The following SSBP2 variants were observed in gnomAD, a reference collection of about 807,000 sequenced individuals.
The protein encoded by SSBP2 is single stranded DNA binding protein 2, also known as single-stranded DNA-binding protein 2.
Under a neutral mutation model 61.8 loss-of-function variants are expected in SSBP2, and 17 were observed. The ratio of observed to expected loss-of-function variants is 0.28; its 90% CI spans 0.19 to 0.41. The LOEUF (loss-of-function observed/expected upper bound fraction) is 0.41, where lower values mean the gene tolerates loss of function less well. Ranked by LOEUF, SSBP2 falls within the 10% of genes least tolerant of loss-of-function variation. The probability of loss-of-function intolerance (pLI) is 1.00; values close to 1 mark genes in which losing one functional copy is unlikely to be tolerated. For synonymous variants in SSBP2, 139 were observed against 141.3 expected, an observed-to-expected ratio of 0.98 and a Z score of 0.12; for missense variants, 310 against 458.7, an observed-to-expected ratio of 0.68 and a Z score of 2.96.
chr5:81,546,793 C>G (rs1017465219), intron 4 of SSBP2, among the ~76,000 whole-genome samples: 6 of 151,682 alleles, frequency 4.0e-5, no homozygotes, highest in African/African-American at 1.5e-4. Context: ...TCAATGATTT[C>G]TAGAAAAAAT....
chr5:81,697,893 T>C (rs1292366255), intron 1 of SSBP2, among the ~76,000 whole-genome samples: 2 of 152,166 alleles, frequency 1.3e-5, no homozygotes, highest in East Asian at 3.8e-4. Context: ...AATATTGACA[T>C]TATGAAAATA....
rs1394583677 is a variant in SSBP2, at chr5:81,615,646, T to C, written c.198-89A>G. 4 of 877,066 alleles carry C rather than the reference T, an allele frequency of 4.6e-6. No homozygotes were observed. The South Asian group carries it at 4.8e-5, about 10-fold the overall frequency. 54.3% of individuals were successfully genotyped at this position (877,066 alleles called of 1,614,324 possible). The stretch of plus-strand genomic sequence containing the variant: ...CCAAAAGTAGAAGACATGTTTTTCT[T>C]TATACAAAATGTTTTGTCTTCAGAA... On this transcript the variant is annotated intron_variant, in intron 3 of 16. Coordinates refer to ENST00000320672, the MANE Select transcript of SSBP2 (RefSeq NM_012446.5).
Position 81,416,931 on chromosome 5 carries a change from G to A in SSBP2, c.*3573C>T, listed in dbSNP as rs192465462. On this transcript the variant is annotated 3_prime_UTR_variant, in exon 17 of 17. Transcript: ENST00000320672. Reference sequence around the variant, plus strand: ...GGCTGGAGTGCAGTGGCACAATCTCGGCTCACTGCAACCTCCGCCTCCTGG... The same window carrying A: ...GGCTGGAGTGCAGTGGCACAATCTCAGCTCACTGCAACCTCCGCCTCCTGG... The A allele has an allele frequency of 4.3e-3, 658 of 152,214 alleles. 6 individuals carry two copies. The highest frequency in any genetic ancestry group is 0.013 in the African/African-American group (550 of 41,482). 9.4% of individuals were successfully genotyped at this position (152,214 alleles called of 1,614,324 possible).
chr5:81,600,692 T>C lies in SSBP2; in HGVS notation c.282+14781A>G, dbSNP rs964424440. Among the ~76,000 whole-genome samples, 4 of 150,904 alleles carry C rather than the reference T, an allele frequency of 2.7e-5. No homozygotes were observed. In the South Asian group the frequency reaches 8.4e-4, roughly 32 times the overall value. ...AATGTAAAGAACTGAATACCTAAGA[T>C]AAATGAAAAAAAGGAAGGAGAAGCC... On this transcript the variant is annotated intron_variant, in intron 4 of 16. Transcript: ENST00000320672.
chr5:81,676,811 T>A (rs1367178312), intron 1 of SSBP2, among the ~76,000 whole-genome samples: 1 of 152,098 alleles, frequency 6.6e-6, no homozygotes, highest in Non-Finnish European at 1.5e-5. Context: ...AAAATACAAA[T>A]TATCTTTGCA....
Position 81,466,978 on chromosome 5 carries a change from TCATTCCAGG to T in SSBP2, c.625_633del (p.Pro209_Met211del). ...ATATGATATAACATTGCTTACATGTTCATTCCAGGCATTCCAGGGCCACCTAAAGCATTC... is the reference window on the plus strand; with the variant it reads ...ATATGATATAACATTGCTTACATGTTCATTCCAGGGCCACCTAAAGCATTC... On this transcript the variant is annotated inframe_deletion, in exon 9 of 17. Coordinates refer to ENST00000320672, the MANE Select transcript of SSBP2 (RefSeq NM_012446.5). The T allele has an allele frequency of 1.2e-6, 2 of 1,603,932 alleles. No individual in the cohort carries two copies. Among genetic ancestry groups the T allele is most frequent in the Non-Finnish European group, 8.5e-7 (1 of 1,172,188 alleles).
At chr5:81,679,436 A>C (rs1023552494) in intron 1 of SSBP2, among the ~76,000 whole-genome samples, 18 of 152,362 alleles carry the variant, frequency 1.2e-4, no homozygotes, top group African/African-American at 4.3e-4. Flanking sequence ...GCAACAATAA[A>C]AGGAATGAGA....
Position 81,468,485 on chromosome 5 carries a change from C to T in SSBP2, c.571-1444G>A, listed in dbSNP as rs374689447. Reference sequence around the variant, plus strand: ...TGTCAAATAAGTTTAAACTTCTCAGCGTGGCTCTATGAGGTATTCAAGGCT... The same window carrying T: ...TGTCAAATAAGTTTAAACTTCTCAGTGTGGCTCTATGAGGTATTCAAGGCT... On this transcript the variant is annotated intron_variant, in intron 8 of 16. Coordinates refer to ENST00000320672, the MANE Select transcript of SSBP2 (RefSeq NM_012446.5). Among the ~76,000 whole-genome samples, 138 of 152,018 alleles carry T rather than the reference C, an allele frequency of 9.1e-4. 3 individuals are homozygous for T. In the South Asian group the frequency reaches 0.028, roughly 31 times the overall value.
At chr5:81,668,206 G>A (rs1751307461) in intron 1 of SSBP2, among the ~76,000 whole-genome samples, 1 of 118,712 alleles carries the variant, frequency 8.4e-6, no homozygotes, top group African/African-American at 3.3e-5. Context: ...CATCAATTCA[G>A]CACTACCCAG....
At chr5:81,545,966 T>C (rs987720449) in intron 4 of SSBP2, among the ~76,000 whole-genome samples, 30 of 152,330 alleles carry the variant, frequency 2.0e-4, no homozygotes, top group Non-Finnish European at 1.2e-4. Flanking sequence ...TTCCCTAAAA[T>C]AGTTTTAAAG....
At chr5:81,472,607 TA>T (rs1387551770) in intron 8 of SSBP2, among the ~76,000 whole-genome samples, 3 of 152,224 alleles carry the variant, frequency 2.0e-5, no homozygotes, top group South Asian at 2.1e-4. Flanking sequence ...ATTTATTTAT[TA>T]TTTTTTTGAG....
chr5:81,707,874 A>G (rs1371311192), intron 1 of SSBP2, among the ~76,000 whole-genome samples: 1 of 152,162 alleles, frequency 6.6e-6, no homozygotes, highest in African/African-American at 2.4e-5. Flanking sequence ...AATACAAAAT[A>G]TTAAGCAAAT....
At chr5:81,495,088 T>C (rs1767181680) in intron 5 of SSBP2, among the ~76,000 whole-genome samples, 1 of 152,184 alleles carries the variant, frequency 6.6e-6, no homozygotes, top group South Asian at 2.1e-4. Flanking sequence ...TTTTGATCTT[T>C]CATAAGCCCT....
At chr5:81,533,342 AAATAT>A (rs201089384) in intron 4 of SSBP2, among the ~76,000 whole-genome samples, 2,676 of 152,140 alleles carry the variant, frequency 0.018, 36 homozygotes, top group South Asian at 0.073. Flanking sequence ...GTAATAATGA[AAATAT>A]AATATATCAA....
intron 13 of SSBP2, 58 bp from the exon 14 acceptor site, chr5:81,440,694 AT>A: frequency 8.1e-7 from 1 of 1,232,434 alleles, no homozygotes; most frequent in Non-Finnish European, 1.2e-6. Flanking sequence ...GCTTATCTCA[AT>A]TTTACAATAT....
chr5:81,509,463 T>C (rs1463987265), intron 5 of SSBP2, among the ~76,000 whole-genome samples: 1 of 152,200 alleles, frequency 6.6e-6, no homozygotes, highest in Non-Finnish European at 1.5e-5. Flanking sequence ...ATTAACTATA[T>C]GTATTTTGAC....
chr5:81,652,097 C>A (rs73135646), intron 1 of SSBP2, among the ~76,000 whole-genome samples: 1,907 of 152,200 alleles, frequency 0.013, 39 homozygotes, highest in African/African-American at 0.043. Flanking sequence ...AGCTGGTCCA[C>A]CAAGCTTGGG....
rs1304533574 is a variant in SSBP2, at chr5:81,419,005, G to A, written c.*1499C>T. 1 of 152,122 alleles carries A rather than the reference G, an allele frequency of 6.6e-6. No homozygotes were observed. Among genetic ancestry groups the A allele is most frequent in the Non-Finnish European group, 1.5e-5 (1 of 68,026 alleles). The allele number at this position is 152,122 out of a possible 1,614,324, so 9.4% of individuals were successfully genotyped here. A position where few individuals can be genotyped will look rare whatever the true frequency, so the allele number is the denominator to read the frequency against. On this transcript the variant is annotated 3_prime_UTR_variant, in exon 17 of 17. Transcript: ENST00000320672. ...TTTGTATCACAATTTTAACACAAAG[G>A]ATCACCCAGTTATCTTTCAGAGTCT...
At chr5:81,597,074 G>A (rs971370707) in intron 4 of SSBP2, among the ~76,000 whole-genome samples, 2 of 151,996 alleles carry the variant, frequency 1.3e-5, no homozygotes, top group Non-Finnish European at 2.9e-5. Context: ...GAAAATTCAG[G>A]CAACCTGAAT....
Sources: gnomAD v4.1 joint callset for allele counts (sites outside exome capture counted in the v4.1 genomes callset) on GRCh38, gnomAD v4.1.1 for gene constraint, MANE v1.5 for transcripts, NCBI Gene and HGNC (gene_info 2026-07-23, HGNC 2026-07-21) for gene names.